PCNX3: variants seen among roughly 807,000 people sequenced by gnomAD.
PCNX3 encodes pecanex-like protein 3.
Under a neutral mutation model 207.2 loss-of-function variants are expected in PCNX3, and 58 were observed. The observed-to-expected ratio is 0.28, with a 90% CI of 0.23 to 0.35. The LOEUF (loss-of-function observed/expected upper bound fraction) is 0.35, where lower values mean the gene tolerates loss of function less well. PCNX3 is among the 10% of genes least tolerant of loss of function. The probability of loss-of-function intolerance (pLI) is 1.00; values close to 1 mark genes in which losing one functional copy is unlikely to be tolerated. For missense variants in PCNX3, 2,410 were observed against 2,774.4 expected, an observed-to-expected ratio of 0.87 and a Z score of 2.95; for synonymous variants, 1,337 against 1,183.5, an observed-to-expected ratio of 1.13 and a Z score of -2.66.
chr11:65,635,826 C>T lies in PCNX3; in HGVS notation c.5459+23C>T, dbSNP rs1210827854. The T allele has an allele frequency of 1.6e-5, 26 of 1,590,556 alleles. No homozygotes were observed. Among genetic ancestry groups the T allele is most frequent in the Non-Finnish European group, 2.0e-5 (23 of 1,168,294 alleles). On this transcript the variant is annotated intron_variant, in intron 32 of 34. Transcript: ENST00000355703. This position sits in a 1 kb window ranked among gnomAD's most constrained non-coding sequence, Gnocchi z 9.9. ...GAGGTGAGGCCTCGGGAAGGGGTGA[C>T]GTGTGGCGCGGGAGGAAGCTGAGGT... is the stretch of plus-strand genomic sequence containing the variant.
chr11:65,629,209 C>T, intron 24 of PCNX3, 148 bp from the exon 25 acceptor site: 4 of 956,772 alleles, frequency 4.2e-6, no homozygotes, highest in Non-Finnish European at 6.4e-6. Context: ...TGAGTCCCTT[C>T]ATGTACCTGA....
At chr11:65,624,101 G>A (rs949287092) in intron 13 of PCNX3, 94 bp from the exon 14 acceptor site, 49 of 1,568,302 alleles carry the variant, frequency 3.1e-5, no homozygotes, top group Non-Finnish European at 3.8e-5. Flanking sequence ...CTCCAGCTTG[G>A]ACCCAGGGCC....
chr11:65,617,767 C>T (rs796148981), intron 5 of PCNX3, 61 bp downstream of exon 5: 18 of 1,532,992 alleles, frequency 1.2e-5, no homozygotes, highest in African/African-American at 1.1e-4. Context: ...TTGTTGAATC[C>T]CCTCAACTTT....
At chr11:65,622,682 G>T (rs1168491563) in intron 11 of PCNX3, among the ~76,000 whole-genome samples, 1 of 152,062 alleles carries the variant, frequency 6.6e-6, no homozygotes, top group South Asian at 2.1e-4. Flanking sequence ...TGCAAGCTCC[G>T]CCTCCCAGGT....
In PCNX3 at chr11:65,624,447, G is replaced by A. The variant is rs372145214; in HGVS notation, c.2717-24G>A. 5.0e-5 allele frequency: 79 copies of A among 1,568,388 alleles called. 2 individuals are homozygous for A. In the Admixed American group the frequency reaches 8.6e-4, roughly 17 times the overall value. On this transcript the variant is annotated intron_variant, in intron 14 of 34. Transcript: ENST00000355703. ...CGCGGAAAGCCAGCAGGCTGACCAG[G>A]CCTTCGTGTCCCCTCCCTGCCAGTG...
rs558009668 is a variant in PCNX3 at position 65,617,288 on chromosome 11, G to C, written c.380G>C (p.Ser127Thr). ...GAGATGACAGTGTTCCGGAAAGTCA[G>C]TTCCACACCCCCGGTGCGCTGCAGC... ...GVEMTVFRKV[S>T]STPPVRCSSQ... The change falls in exon 3 of 35, where the codon AGT becomes ACT. Residue 127 changes from serine (S) to threonine (T), a missense_variant. This residue lies in a region of PCNX3 where 1,104 missense variants were observed against 970.3 expected (regional missense o/e 1.14). Coordinates refer to ENST00000355703, the MANE Select transcript of PCNX3 (RefSeq NM_032223.4). 21 of 1,611,172 alleles carry C rather than the reference G, an allele frequency of 1.3e-5. No individual in the cohort carries two copies. The South Asian group carries it at 2.0e-4, about 15-fold the overall frequency.
intron 20 of PCNX3, chr11:65,626,589 G>A: frequency 4.3e-6 from 2 of 460,006 alleles, no homozygotes; most frequent in Admixed American, 7.1e-5. Flanking sequence ...GAAGGGCCCA[G>A]CTCACGGGCT....
At position 65,619,850 on chromosome 11, in the gene PCNX3, C is replaced by T. The variant is rs762074805; in HGVS notation, c.1926C>T (p.Thr642=). ...ATTTCGCCTCTTCACTGTTGCTCAC[C>T]CGGGCCGGTGCCAATGTGCATGAGG... The part of the protein sequence containing the change: ...ALHFASSLLL[T]RAGANVHEAC... The change falls in exon 8 of 35, where the codon ACC becomes ACT. Residue 642 remains threonine (T), a synonymous_variant. Transcript: ENST00000355703. The T allele has an allele frequency of 6.2e-7, 1 of 1,609,578 alleles. No individual in the cohort carries two copies. Among genetic ancestry groups the T allele is most frequent in the South Asian group, 1.1e-5 (1 of 90,776 alleles).
intron 2 of PCNX3, 97 bp downstream of exon 2, chr11:65,617,108 C>T (rs1298369079): frequency 1.1e-5 from 15 of 1,414,340 alleles, no homozygotes; most frequent in Non-Finnish European, 1.4e-5. Flanking sequence ...CATTGGCTCT[C>T]TGAGTGATTG....
Position 65,622,362 on chromosome 11 carries a change from G to T in PCNX3, c.2353G>T (p.Asp785Tyr). 6.3e-7 allele frequency: 1 copy of T among 1,591,614 alleles called. No individual in the cohort carries two copies. The part of the protein sequence containing the change: ...YERLALLALL[D>Y]RTRGVLENIF... ...GCGGCTTGCCCTGCTGGCTCTGCTG[G>T]ACCGGTGAGTGTCCCGCAGCCTTGG... Residue 785 changes from aspartate (D) to tyrosine (Y), a missense_variant, in exon 11 of 35, where the codon GAC (aspartate) becomes TAC (tyrosine). Transcript: ENST00000355703.
Position 65,616,919 on chromosome 11 carries a change from C to T in PCNX3, c.249C>T (p.Ala83=). ...AGACTGTCAATTATCGGCTTCATGC[C>T]ATGTTTGACCAGGGCGAGATCGTGG... The part of the protein sequence containing the change: ...TIKTVNYRLH[A]MFDQGEIVEK... The change falls in exon 2 of 35, where the codon GCC becomes GCT. Residue 83 remains alanine (A), a synonymous_variant. Transcript: ENST00000355703. 2 of 1,613,586 alleles carry T rather than the reference C, an allele frequency of 1.2e-6. No homozygotes were observed. The highest frequency in any genetic ancestry group is 8.5e-7 in the Non-Finnish European group (1 of 1,179,860).
At chr11:65,627,178 C>T in intron 21 of PCNX3, 130 bp downstream of exon 21, 1 of 1,313,922 alleles carries the variant, frequency 7.6e-7, no homozygotes, top group African/African-American at 1.5e-5. Flanking sequence ...ACCCCAGCTC[C>T]TGACACGCCA....
rs1252186529 is a variant in PCNX3, at chr11:65,629,432, CCAAGGG to C, written c.4000+18_4000+23del. The C allele has an allele frequency of 1.2e-6, 2 of 1,611,800 alleles. No individual in the cohort carries two copies. The highest frequency in any genetic ancestry group is 2.7e-5 in the African/African-American group (2 of 74,918). On this transcript the variant is annotated intron_variant, in intron 25 of 34. Transcript: ENST00000355703. Reference sequence around the variant, plus strand: ...GGAACCCTGGTGTGTACCCAGCCATCCAAGGGGCTTTAGGGCAGGGCCTCCCTGGGG... The same window carrying C: ...GGAACCCTGGTGTGTACCCAGCCATCGCTTTAGGGCAGGGCCTCCCTGGGG...
intron 34 of PCNX3, 24 bp from the exon 35 acceptor site, chr11:65,636,742 G>A (rs1051114626): frequency 8.7e-5 from 135 of 1,546,802 alleles, no homozygotes; most frequent in Non-Finnish European, 1.1e-4. Context: ...CTGCTCACCC[G>A]CCAACCTCTC....
chr11:65,625,770 C>T lies in PCNX3; in HGVS notation c.3228+26C>T. On this transcript the variant is annotated intron_variant, in intron 19 of 34. Transcript: ENST00000355703. This position sits in a 1 kb window ranked among gnomAD's most constrained non-coding sequence, Gnocchi z 5.6. ...GTTTGTGTGGCATGGGCCGCTGCTG[C>T]CTCTCGCTGTCTTGGCGGGAGCCTG... 6.2e-7 allele frequency: 1 copy of T among 1,603,226 alleles called. No individual in the cohort carries two copies. The highest frequency in any genetic ancestry group is 8.5e-7 in the Non-Finnish European group (1 of 1,176,768).
chr11:65,636,467 GC>G lies in PCNX3; in HGVS notation c.5675del (p.Pro1892HisfsTer76), dbSNP rs1246471309. On this transcript the variant is annotated frameshift_variant, in exon 34 of 35. Coordinates refer to ENST00000355703, the MANE Select transcript of PCNX3 (RefSeq NM_032223.4). LOFTEE classifies it high-confidence loss of function. ...CCCTGAGTGGCTCTGGTGATGGGCG[GC>G]CCCCACCTCTGCTGCAGTGGCCTCC... Reference protein sequence around the residue: ...SSLSGSGDGRPPPLLQWPPPR... With the variant: ...SSLSGSGDGRXPPLLQWPPPR... The G allele has an allele frequency of 1.3e-6, 2 of 1,561,566 alleles. No homozygotes were observed. Among genetic ancestry groups the G allele is most frequent in the Non-Finnish European group, 1.7e-6 (2 of 1,155,598 alleles).
At chr11:65,636,352 C>G (rs780253227) in intron 33 of PCNX3, 39 bp from the exon 34 acceptor site, 15 of 1,599,830 alleles carry the variant, frequency 9.4e-6, no homozygotes, top group Non-Finnish European at 1.3e-5. Flanking sequence ...AGGAGTGCAG[C>G]CCAGCTGAGG....
At position 65,630,403 on chromosome 11, in the gene PCNX3, G is replaced by A. The variant is rs372698925; in HGVS notation, c.4269G>A (p.Glu1423=). ...EVEAITEGVE[E]DEGCCCCEPG... Reference sequence around the variant, plus strand: ...AGGCTATCACCGAGGGTGTGGAGGAGGACGAGGGCTGTTGCTGCTGTGAAC... The same window carrying A: ...AGGCTATCACCGAGGGTGTGGAGGAAGACGAGGGCTGTTGCTGCTGTGAAC... The change falls in exon 27 of 35, where the codon GAG becomes GAA. Residue 1423 remains glutamate (E), a synonymous_variant. Coordinates refer to ENST00000355703, the MANE Select transcript of PCNX3 (RefSeq NM_032223.4). 5.2e-5 allele frequency: 84 copies of A among 1,613,382 alleles called. No homozygotes were observed. In the African/African-American group the frequency reaches 1.1e-3, roughly 21 times the overall value.
At chr11:65,626,501 A>G in intron 20 of PCNX3, 2 of 396,664 alleles carry the variant, frequency 5.0e-6, no homozygotes, top group South Asian at 4.3e-5. Context: ...GTTTTTCTTA[A>G]ACGACAGAAG....
Sources: gnomAD v4.1 joint callset for allele counts (sites outside exome capture counted in the v4.1 genomes callset) on GRCh38, gnomAD v4.1.1 for gene constraint, gnomAD v4.1.1 regional missense constraint, Gnocchi (gnomAD v3.1) non-coding constraint, MANE v1.5 for transcripts, NCBI Gene and HGNC (gene_info 2026-07-23, HGNC 2026-07-21) for gene names.